FDXR: variants seen among roughly 807,000 people sequenced by gnomAD.
FDXR encodes NADPH:adrenodoxin oxidoreductase, mitochondrial.
FDXR carries 38 observed loss-of-function variants against 58.3 expected under a neutral mutation model. The observed-to-expected ratio is 0.65, with a 90% CI of 0.50 to 0.85. The LOEUF (loss-of-function observed/expected upper bound fraction) is 0.85, where lower values mean the gene tolerates loss of function less well. Among genes scored for constraint, FDXR ranks in the 40% least tolerant of loss-of-function variants. The pLI, the probability that FDXR is intolerant of heterozygous loss-of-function variation, is 0.00. For missense variants in FDXR, 624 were observed against 671.0 expected (o/e 0.93, Z 0.77); for synonymous variants, 275 against 273.8 (o/e 1.00, Z -0.04).
Position 74,872,094 on chromosome 17 carries a change from T to C in FDXR, c.119A>G (p.Gln40Arg). 1 of 1,607,628 alleles carries C rather than the reference T, an allele frequency of 6.2e-7. No homozygotes were observed. ...HHFSTQEKTPQICVVGSGPAG... is the reference protein window; with the variant it reads ...HHFSTQEKTPRICVVGSGPAG... ...TGGGCCACTGCCCACCACACAGATC[T>C]GGGGGGTCTTCTCCTGTGTGGAGAA... Residue 40 changes from glutamine (Q) to arginine (R), a missense_variant, in exon 2 of 12, where the codon CAG (glutamine) becomes CGG (arginine). Transcript: ENST00000293195.
At chr17:74,865,999 G>A (rs1372903704) in intron 5 of FDXR, 132 bp downstream of exon 5, 3 of 867,734 alleles carry the variant, frequency 3.5e-6, no homozygotes, top group Admixed American at 4.2e-5. Context: ...GCCCTCCACA[G>A]CTGGCCTCCC....
Position 74,872,125 on chromosome 17 carries a change from G to A in FDXR, c.88C>T (p.His30Tyr), listed in dbSNP as rs1179263688. ...PPAGSTPSFC[H>Y]HFSTQEKTPQ... The stretch of plus-strand genomic sequence containing the variant: ...GTCTTCTCCTGTGTGGAGAAATGGT[G>A]GCAGAAGCCTGGGGCCAGGCAGAGG... Residue 30 changes from histidine (H) to tyrosine (Y), a missense_variant, in exon 2 of 12, where the codon CAC becomes TAC. Transcript: ENST00000293195. The A allele has an allele frequency of 1.9e-6, 3 of 1,605,048 alleles. No individual in the cohort carries two copies. The highest frequency in any genetic ancestry group is 3.4e-5 in the Admixed American group (2 of 58,716).
chr17:74,868,778 C>A, intron 2 of FDXR: 1 of 1,470,556 alleles, frequency 6.8e-7, no homozygotes, highest in Non-Finnish European at 9.0e-7. Flanking sequence ...TGGCCCCCCT[C>A]CCTCCTCCCT....
chr17:74,871,359 C>T (rs1203071004), intron 2 of FDXR, among the ~76,000 whole-genome samples: 1 of 152,240 alleles, frequency 6.6e-6, no homozygotes, highest in African/African-American at 2.4e-5. Context: ...CATCCTTTCT[C>T]TTGTCTCTCC....
chr17:74,871,487 C>T (rs1221401286), intron 2 of FDXR, among the ~76,000 whole-genome samples: 1 of 152,204 alleles, frequency 6.6e-6, no homozygotes, highest in Non-Finnish European at 1.5e-5. Context: ...AACCTGTAGC[C>T]TTGGCTTGGG....
intron 6 of FDXR, among the ~76,000 whole-genome samples, chr17:74,865,168 C>G (rs1304979681): frequency 1.3e-5 from 2 of 152,176 alleles, no homozygotes; most frequent in Admixed American, 1.3e-4. Flanking sequence ...ACCATGTGCT[C>G]ACCCCCATGC....
intron 1 of FDXR, 31 bp from the exon 2 acceptor site, chr17:74,872,164 CA>C (rs1279379041): frequency 6.3e-7 from 1 of 1,599,714 alleles, no homozygotes; most frequent in Non-Finnish European, 8.5e-7. Flanking sequence ...GGGAAAAGGT[CA>C]AAATTAACTT....
At chr17:74,872,606 C>T (rs1420066235) in intron 1 of FDXR, 7 of 745,234 alleles carry the variant, frequency 9.4e-6, no homozygotes, top group Non-Finnish European at 1.5e-5. Context: ...GTATCATCCT[C>T]CATTCACCCC....
chr17:74,865,638 G>T, intron 6 of FDXR, 81 bp downstream of exon 6: 2 of 959,614 alleles, frequency 2.1e-6, no homozygotes, highest in Non-Finnish European at 1.6e-6. Context: ...GGAGAGGTAA[G>T]GCCTGAACCC....
Position 74,864,027 on chromosome 17 carries a change from A to G in FDXR, c.1043T>C (p.Met348Thr). 1.2e-6 allele frequency: 2 copies of G among 1,613,990 alleles called. No homozygotes were observed. Among genetic ancestry groups the G allele is most frequent in the South Asian group, 1.1e-5 (1 of 91,084 alleles). The change falls in exon 10 of 12, where the codon ATG becomes ACG. Residue 348 changes from methionine (M) to threonine (T), a missense_variant. Met to Thr is a moderately conservative substitution (Grantham distance 81, BLOSUM62 -1). Transcript: ENST00000293195. Reference protein sequence around the residue: ...EATRAVPTGDMEDLPCGLVLS... With the variant: ...EATRAVPTGDTEDLPCGLVLS... ...CACCAGCCCACAAGGGAGGTCTTCC[A>G]TGTCTCCCGTGGGCACTGCACGGGT...
intron 10 of FDXR, 38 bp from the exon 11 acceptor site, chr17:74,863,284 G>C (rs761738810): frequency 1.9e-6 from 3 of 1,582,368 alleles, no homozygotes; most frequent in Non-Finnish European, 2.6e-6. Flanking sequence ...GAGGGAGGTG[G>C]CTGGATACCA....
At chr17:74,869,390 C>A (rs757746331) in intron 2 of FDXR, among the ~76,000 whole-genome samples, 8 of 152,200 alleles carry the variant, frequency 5.3e-5, no homozygotes, top group Non-Finnish European at 1.2e-4. Flanking sequence ...CGAAACCTGC[C>A]TCCAGAGCCT....
chr17:74,872,860 T>G lies in FDXR; in HGVS notation c.79+6A>C, dbSNP rs1485362125. 9.1e-6 allele frequency: 14 copies of G among 1,546,888 alleles called. No homozygotes were observed. In the South Asian group the frequency reaches 1.7e-4, roughly 18 times the overall value. On this transcript the variant is annotated splice_donor_region_variant and intron_variant, in intron 1 of 11. Coordinates refer to ENST00000293195, the MANE Select transcript of FDXR (RefSeq NM_024417.5). ...CCATCCAGCCCCAAAGGCGCCCTGCTCCTACTCGGGGTGCTCCCGGCGGGA... is the reference window on the plus strand; with the variant it reads ...CCATCCAGCCCCAAAGGCGCCCTGCGCCTACTCGGGGTGCTCCCGGCGGGA...
rs2037999841 is a variant in FDXR, at chr17:74,862,586, C to G, written c.*231G>C. On this transcript the variant is annotated 3_prime_UTR_variant, in exon 12 of 12. Coordinates refer to ENST00000293195, the MANE Select transcript of FDXR (RefSeq NM_024417.5). The stretch of plus-strand genomic sequence containing the variant: ...TAGAGAGATGGGTAAGGGGTTAGAT[C>G]GGCCCACACCTCCACCTGTCCCTAA... The G allele has an allele frequency of 3.7e-6, 2 of 540,208 alleles. No individual in the cohort carries two copies. The highest frequency in any genetic ancestry group is 3.2e-6 in the Non-Finnish European group (1 of 308,978). 33.5% of individuals were successfully genotyped at this position (540,208 alleles called of 1,614,324 possible).
chr17:74,872,886 G>A lies in FDXR; in HGVS notation c.59C>T (p.Pro20Leu). 6.5e-7 allele frequency: 1 copy of A among 1,550,112 alleles called. No homozygotes were observed. The highest frequency in any genetic ancestry group is 8.7e-7 in the Non-Finnish European group (1 of 1,147,820). The part of the protein sequence containing the change: ...GWSAWPRTRL[P>L]PAGSTPSFCH... ...CCTACTCGGGGTGCTCCCGGCGGGA[G>A]GCAGCCGGGTCCGAGGCCACGCCGA... The change falls in exon 1 of 12, where the codon CCT (proline) becomes CTT (leucine). Residue 20 changes from proline to leucine, a missense_variant. By Grantham distance (98) the Pro-to-Leu change is moderately conservative. Coordinates refer to ENST00000293195, the MANE Select transcript of FDXR (RefSeq NM_024417.5).
rs371202127 is a variant in FDXR, at chr17:74,866,239, G to A, written c.399C>T (p.Tyr133=). The A allele has an allele frequency of 3.2e-5, 52 of 1,613,048 alleles. No individual in the cohort carries two copies. The highest frequency in any genetic ancestry group is 1.7e-4 in the Middle Eastern group (1 of 6,058). Residue 133 remains tyrosine, a synonymous_variant, in exon 5 of 12, where the codon TAC becomes TAT. Transcript: ENST00000293195. ...QEAYHAVVLS[Y]GAEDHRALEI... is the part of the protein sequence containing the mutation. The stretch of plus-strand genomic sequence containing the variant: ...CCAGGGCCCGATGGTCCTCTGCCCC[G>A]TAGCTCTGATGAAAGATGGCAGGCC...
intron 2 of FDXR, among the ~76,000 whole-genome samples, chr17:74,870,931 T>C (rs1407631531): frequency 6.6e-6 from 1 of 151,840 alleles, no homozygotes; most frequent in Non-Finnish European, 1.5e-5. Flanking sequence ...GCCTCCCAAG[T>C]ACCTGGGACT....
chr17:74,864,062 G>A lies in FDXR; in HGVS notation c.1008C>T (p.Val336=), dbSNP rs780777549. Residue 336 remains valine, a synonymous_variant, in exon 10 of 12, where the codon GTC becomes GTT. Coordinates refer to ENST00000293195, the MANE Select transcript of FDXR (RefSeq NM_024417.5). ...VRLAVTRLEG[V]DEATRAVPTG... ...TGGGCACTGCACGGGTGGCCTCATC[G>A]ACACCCTGTTGGGGAGAGTGTGGGC... 1.9e-5 allele frequency: 30 copies of A among 1,613,766 alleles called. No individual in the cohort carries two copies. The highest frequency in any genetic ancestry group is 1.6e-4 in the Middle Eastern group (1 of 6,084).
intron 10 of FDXR, 62 bp from the exon 11 acceptor site, chr17:74,863,308 G>A (rs932771654): frequency 1.3e-6 from 2 of 1,503,642 alleles, no homozygotes; most frequent in Non-Finnish European, 9.0e-7. Flanking sequence ...TGGCCATCCT[G>A]TGCCCACAAT....
Sources: gnomAD v4.1 joint callset for allele counts (sites outside exome capture counted in the v4.1 genomes callset) on GRCh38, gnomAD v4.1.1 for gene constraint, MANE v1.5 for transcripts, NCBI Gene and HGNC (gene_info 2026-07-23, HGNC 2026-07-21) for gene names.